Variants in CDKAL1 observed in about 807,000 individuals in gnomAD.
The protein encoded by CDKAL1 is CDKAL1 threonylcarbamoyladenosine tRNA methylthiotransferase.
CDKAL1 carries 32 observed loss-of-function variants against 68.2 expected under a neutral mutation model. The ratio of observed to expected loss-of-function variants is 0.47; its 90% CI spans 0.35 to 0.63. The LOEUF (loss-of-function observed/expected upper bound fraction) is 0.63, where lower values mean the gene tolerates loss of function less well. CDKAL1 is among the 30% of genes least tolerant of loss of function. The pLI, the probability that CDKAL1 is intolerant of heterozygous loss-of-function variation, is 0.00. For synonymous variants in CDKAL1, 234 were observed against 244.3 expected, an observed-to-expected ratio of 0.96 and a Z score of 0.39; for missense variants, 606 against 696.7, an observed-to-expected ratio of 0.87 and a Z score of 1.47.
chr6:21,193,398 A>C lies in CDKAL1; in HGVS notation c.1300-4623A>C, dbSNP rs142114078. Among the ~76,000 whole-genome samples, 187 of 152,302 alleles carry C rather than the reference A, an allele frequency of 1.2e-3. 3 individuals carry two copies. The highest frequency in any genetic ancestry group is 4.4e-3 in the African/African-American group (182 of 41,572). On this transcript the variant is annotated intron_variant, in intron 13 of 15. Transcript: ENST00000274695. ...TCCTATGAAACCTTTGGATGTGCTG[A>C]TCCGCAGCCTACAGATCTACCTTCA...
At chr6:21,010,481 C>T (rs1311554865) in intron 11 of CDKAL1, among the ~76,000 whole-genome samples, 1 of 152,194 alleles carries the variant, frequency 6.6e-6, no homozygotes, top group Non-Finnish European at 1.5e-5. Context: ...CATTTCATCA[C>T]TTGCTGCAGG....
chr6:21,069,766 T>TTTTC (rs1273879997), intron 12 of CDKAL1, among the ~76,000 whole-genome samples: 1 of 109,648 alleles, frequency 9.1e-6, no homozygotes, highest in Non-Finnish European at 1.7e-5. Context: ...ATCCCCCAGA[T>TTTTC]TTTCTTTCTT....
chr6:20,721,352 C>A (rs9350273), intron 5 of CDKAL1, among the ~76,000 whole-genome samples: 123,166 of 152,096 alleles, frequency 0.81, 50,063 homozygotes, highest in African/African-American at 0.88. Context: ...TTTTAAATCC[C>A]GTCTATCATT....
intron 12 of CDKAL1, among the ~76,000 whole-genome samples, chr6:21,093,624 G>C (rs1773157223): frequency 6.7e-6 from 1 of 148,192 alleles, no homozygotes; most frequent in East Asian, 2.0e-4. Context: ...AGGTGATTTA[G>C]ATAAGTGGAA....
intron 8 of CDKAL1, among the ~76,000 whole-genome samples, chr6:20,807,605 C>A (rs1403311390): frequency 6.6e-6 from 1 of 152,058 alleles, no homozygotes; most frequent in African/African-American, 2.4e-5. Context: ...TTACTGGAGA[C>A]TTTGATAATA....
chr6:20,839,003 TG>T (rs1778070177), intron 8 of CDKAL1, among the ~76,000 whole-genome samples: 1 of 151,920 alleles, frequency 6.6e-6, no homozygotes, highest in African/African-American at 2.4e-5. Context: ...CTAACTGGAA[TG>T]ATCACTGCTA....
chr6:20,956,063 A>G (rs1764761120), intron 10 of CDKAL1, among the ~76,000 whole-genome samples: 1 of 152,206 alleles, frequency 6.6e-6, no homozygotes, highest in South Asian at 2.1e-4. Context: ...ATAGGGGTGA[A>G]GTTGAATCAG....
At chr6:20,888,363 T>C (rs1211491428) in intron 9 of CDKAL1, among the ~76,000 whole-genome samples, 1 of 150,260 alleles carries the variant, frequency 6.7e-6, no homozygotes, top group Non-Finnish European at 1.5e-5. Context: ...ATCTTCTTTT[T>C]TTTTTTTAAT....
intron 9 of CDKAL1, among the ~76,000 whole-genome samples, chr6:20,947,092 CAATGAATG>C (rs147092380): frequency 8.6e-5 from 13 of 151,736 alleles, no homozygotes; most frequent in African/African-American, 2.4e-4. Context: ...TAGAAGGAGT[CAATGAATG>C]AATGAATGAA....
At chr6:20,811,548 G>A (rs1177412229) in intron 8 of CDKAL1, among the ~76,000 whole-genome samples, 1 of 152,034 alleles carries the variant, frequency 6.6e-6, no homozygotes, top group African/African-American at 2.4e-5. Context: ...GCATCCTCAT[G>A]GTGTTATTTA....
chr6:20,989,081 A>G (rs1279654610), intron 10 of CDKAL1, among the ~76,000 whole-genome samples: 1 of 152,116 alleles, frequency 6.6e-6, no homozygotes, highest in Admixed American at 6.6e-5. Flanking sequence ...CTACTCCCAC[A>G]GAGACAGAAG....
chr6:21,178,201 TG>T (rs1777661629), intron 13 of CDKAL1, among the ~76,000 whole-genome samples: 1 of 152,094 alleles, frequency 6.6e-6, no homozygotes, highest in African/African-American at 2.4e-5. Flanking sequence ...AGCCTTATCA[TG>T]GGGAAAGAGT....
chr6:20,862,958 A>G (rs1293045307), intron 9 of CDKAL1, among the ~76,000 whole-genome samples: 1 of 152,196 alleles, frequency 6.6e-6, no homozygotes, highest in African/African-American at 2.4e-5. Context: ...ACCCGGAGGC[A>G]GAGGTTGCAG....
At chr6:20,848,282 T>TTTTTGGTTTTTTTTG (rs748895788) in intron 9 of CDKAL1, among the ~76,000 whole-genome samples, 1 of 111,250 alleles carries the variant, frequency 9.0e-6, no homozygotes, top group Admixed American at 9.7e-5. Flanking sequence ...GAAAGTTGTT[T>TTTTTGGTTTTTTTTG]TTTTTTTTTT....
At chr6:21,018,821 T>C (rs549157045) in intron 11 of CDKAL1, among the ~76,000 whole-genome samples, 1 of 152,236 alleles carries the variant, frequency 6.6e-6, no homozygotes, top group African/African-American at 2.4e-5. Context: ...CTCCACTTCC[T>C]CACAGGCTAT....
At chr6:20,617,085 C>T (rs1388730824) in intron 4 of CDKAL1, among the ~76,000 whole-genome samples, 1 of 148,538 alleles carries the variant, frequency 6.7e-6, no homozygotes, top group African/African-American at 2.5e-5. Flanking sequence ...AAGAGAAAAA[C>T]CACGGGGGGC....
intron 13 of CDKAL1, among the ~76,000 whole-genome samples, chr6:21,126,229 G>A (rs1775005030): frequency 6.6e-6 from 1 of 152,146 alleles, no homozygotes; most frequent in Non-Finnish European, 1.5e-5. Context: ...AAATTAAGGG[G>A]AATGATTTAA....
At chr6:20,908,091 C>T (rs918891025) in intron 9 of CDKAL1, among the ~76,000 whole-genome samples, 1 of 152,164 alleles carries the variant, frequency 6.6e-6, no homozygotes, top group Non-Finnish European at 1.5e-5. Context: ...ACCTTACCAG[C>T]GAAGGGCCTT....
At chr6:21,196,685 C>T (rs1052191249) in intron 13 of CDKAL1, among the ~76,000 whole-genome samples, 12 of 152,116 alleles carry the variant, frequency 7.9e-5, no homozygotes, top group Non-Finnish European at 1.5e-4. Flanking sequence ...TCATGGTAAC[C>T]GCCTGAACAT....
Sources: gnomAD v4.1 joint callset for allele counts (sites outside exome capture counted in the v4.1 genomes callset) on GRCh38, gnomAD v4.1.1 for gene constraint, MANE v1.5 for transcripts, NCBI Gene and HGNC (gene_info 2026-07-23, HGNC 2026-07-21) for gene names.